SYNM: variants seen among roughly 807,000 people sequenced by gnomAD.
SYNM encodes desmuslin.
In SYNM, 95 loss-of-function variants were observed where a neutral mutation model predicts 104.0. The ratio of observed to expected loss-of-function variants is 0.91; its 90% CI spans 0.77 to 1.08. SYNM has a LOEUF of 1.08. Among genes scored for constraint, SYNM ranks in the 50% least tolerant of loss-of-function variants. The pLI, the probability that SYNM is intolerant of heterozygous loss-of-function variation, is 0.00. For synonymous variants in SYNM, 918 were observed against 869.0 expected (o/e 1.06, Z -0.99); for missense variants, 2,150 against 2,052.2 (o/e 1.05, Z -0.92).
intron 2 of SYNM, among the ~76,000 whole-genome samples, chr15:99,118,223 C>T (rs1359112244): frequency 6.6e-6 from 1 of 152,252 alleles, no homozygotes; most frequent in Non-Finnish European, 1.5e-5. Context: ...TTTTGAAAAT[C>T]ACCAGTGCAT....
In SYNM at chr15:99,130,069, A is replaced by G. The variant is rs782162586; in HGVS notation, c.1709A>G (p.Lys570Arg). 6.2e-7 allele frequency: 1 copy of G among 1,613,986 alleles called. No homozygotes were observed. The highest frequency in any genetic ancestry group is 1.7e-5 in the Admixed American group (1 of 60,020). ...KAKEKDSPKE[K>R]SVREREVPIS... is the part of the protein sequence containing the mutation. ...AAGGAGAAGGACTCACCGAAGGAGAAGAGCGTGCGAGAGAGAGAGGTGCCG... is the reference window on the plus strand; with the variant it reads ...AAGGAGAAGGACTCACCGAAGGAGAGGAGCGTGCGAGAGAGAGAGGTGCCG... Residue 570 changes from lysine to arginine, a missense_variant, in exon 4 of 4, where the codon AAG becomes AGG. Coordinates refer to ENST00000336292, the MANE Select transcript of SYNM (RefSeq NM_145728.3).
downstream of SYNM, chr15:99,137,978 G>A (rs782041130): frequency 6.2e-7 from 1 of 1,613,786 alleles, no homozygotes; most frequent in South Asian, 1.1e-5. Flanking sequence ...ACAGTGCCCA[G>A]GAATGTCCTA....
In SYNM at chr15:99,130,326, A is replaced by G. The variant is rs2067488242; in HGVS notation, c.1966A>G (p.Thr656Ala). ...ILKQFTQSPE[T>A]EASADSFPDT... The stretch of plus-strand genomic sequence containing the variant: ...GAAGCAGTTCACTCAGTCTCCAGAG[A>G]CAGAAGCATCTGCTGATTCTTTTCC... The change falls in exon 4 of 4, where the codon ACA (threonine) becomes GCA (alanine). Residue 656 changes from threonine (T) to alanine (A), a missense_variant. By Grantham distance (58) the Thr-to-Ala change is moderately conservative. Transcript: ENST00000336292. The G allele has an allele frequency of 5.6e-6, 9 of 1,613,726 alleles. No homozygotes were observed. Among genetic ancestry groups the G allele is most frequent in the Non-Finnish European group, 7.6e-6 (9 of 1,179,822 alleles).
intron 1 of SYNM, among the ~76,000 whole-genome samples, chr15:99,112,045 TC>T (rs1567275223): frequency 1.3e-5 from 2 of 152,196 alleles, no homozygotes; most frequent in African/African-American, 2.4e-5. Flanking sequence ...CGAGACTGTC[TC>T]CAAAAACAAA....
In SYNM at chr15:99,105,096, G is replaced by A; in HGVS notation, c.-104G>A. ...TCGCGTCCCAGTCTGCGGGCCTCCG[G>A]GGCAGCGGCGAGGCCGGAGCGTCGC... On this transcript the variant is annotated 5_prime_UTR_variant, in exon 1 of 4. Coordinates refer to ENST00000336292, the MANE Select transcript of SYNM (RefSeq NM_145728.3). 1 of 1,345,956 alleles carries A rather than the reference G, an allele frequency of 7.4e-7. No homozygotes were observed. Among genetic ancestry groups the A allele is most frequent in the South Asian group, 1.4e-5 (1 of 72,476 alleles). 83.4% of individuals were successfully genotyped at this position (1,345,956 alleles called of 1,614,324 possible). A position where few individuals can be genotyped will look rare whatever the true frequency, so the allele number is the denominator to read the frequency against.
intron 3 of SYNM, chr15:99,129,148 C>T (rs10444901): frequency 0.096 from 57,235 of 598,714 alleles, 3,679 homozygotes; most frequent in African/African-American, 0.26. Context: ...ACGTGTTAGG[C>T]TGAAGTATTT....
intron 2 of SYNM, among the ~76,000 whole-genome samples, chr15:99,121,734 C>A (rs1339669545): frequency 6.6e-6 from 1 of 152,202 alleles, no homozygotes; most frequent in Non-Finnish European, 1.5e-5. Context: ...CAGCAAGAAG[C>A]TGTTAGAAAA....
chr15:99,113,868 G>A (rs535146546), intron 2 of SYNM, among the ~76,000 whole-genome samples, 153 bp downstream of exon 2: 5 of 152,306 alleles, frequency 3.3e-5, no homozygotes, highest in African/African-American at 4.8e-5. Flanking sequence ...CAAGGAGTCC[G>A]AGGCCAAAAG....
intron 2 of SYNM, among the ~76,000 whole-genome samples, chr15:99,124,465 G>A (rs1440731450): frequency 6.6e-6 from 1 of 152,228 alleles, no homozygotes; most frequent in Non-Finnish European, 1.5e-5. Context: ...TCCGGCCATT[G>A]AGAAGGGACA....
intron 2 of SYNM, among the ~76,000 whole-genome samples, chr15:99,126,357 G>A (rs1387282937): frequency 6.6e-6 from 1 of 152,224 alleles, no homozygotes; most frequent in Non-Finnish European, 1.5e-5. Context: ...CATCTCTCCA[G>A]TGCCCCCTTG....
rs782351895 is a variant in SYNM at position 99,132,064 on chromosome 15, T to C, written c.3704T>C (p.Ile1235Thr). The change falls in exon 4 of 4, where the codon ATT becomes ACT. Residue 1235 changes from isoleucine to threonine, a missense_variant. Physicochemically the swap from Ile to Thr is moderately conservative, Grantham distance 89. Transcript: ENST00000336292. Reference protein sequence around the residue: ...CRQFHAEKEIIFQGPISAAGK... With the variant: ...CRQFHAEKEITFQGPISAAGK... ...CAATTTCATGCTGAAAAGGAGATTA[T>C]TTTTCAGGGCCCCATTTCTGCTGCA... 3 of 1,613,788 alleles carry C rather than the reference T, an allele frequency of 1.9e-6. No individual in the cohort carries two copies. The highest frequency in any genetic ancestry group is 2.7e-5 in the African/African-American group (2 of 74,900).
rs2067531820 is a variant in SYNM, at chr15:99,133,170, C to G, written c.*112C>G. On this transcript the variant is annotated 3_prime_UTR_variant, in exon 4 of 4. Coordinates refer to ENST00000336292, the MANE Select transcript of SYNM (RefSeq NM_145728.3). ...GTCTATGAAAATCTCCCCTTTTTTA[C>G]TTTTTTAAAGAGTACTCCCGGCATG... 3 of 1,505,948 alleles carry G rather than the reference C, an allele frequency of 2.0e-6. No homozygotes were observed. Among genetic ancestry groups the G allele is most frequent in the South Asian group, 1.3e-5 (1 of 77,570 alleles). The allele number at this position is 1,505,948 out of a possible 1,614,324, so 93.3% of individuals were successfully genotyped here.
intron 3 of SYNM, 53 bp from the exon 4 acceptor site, chr15:99,129,314 A>T: frequency 1.3e-6 from 2 of 1,585,010 alleles, no homozygotes; most frequent in Non-Finnish European, 1.7e-6. Flanking sequence ...TTGTAGATGG[A>T]AAAGGGTAAT....
In SYNM at chr15:99,129,935, C is replaced by T. The variant is rs569566682; in HGVS notation, c.1575C>T (p.Phe525=). The T allele has an allele frequency of 2.0e-5, 32 of 1,611,828 alleles. No homozygotes were observed. The East Asian group carries it at 3.8e-4, about 19-fold the overall frequency. ...GAACAAAGCCAGAAGAGAAAATGTT[C>T]GATTCTAAAGAGAAGGCTTCCGAGG... is the stretch of plus-strand genomic sequence containing the variant. The part of the protein sequence containing the change: ...TIRTKPEEKM[F]DSKEKASEER... The change falls in exon 4 of 4, where the codon TTC becomes TTT. Residue 525 remains phenylalanine, a synonymous_variant. Coordinates refer to ENST00000336292, the MANE Select transcript of SYNM (RefSeq NM_145728.3).
Position 99,132,497 on chromosome 15 carries a change from T to A in SYNM, c.4137T>A (p.Ser1379=), listed in dbSNP as rs1405717157. The stretch of plus-strand genomic sequence containing the variant: ...CCTTCCAAAGTGTCGTTTCTGAATC[T>A]CCCCAGGAGGATAGTGCAGAGGACA... ...KSTFQSVVSE[S]PQEDSAEDTS... is the part of the protein sequence containing the mutation. The change falls in exon 4 of 4, where the codon TCT becomes TCA. Residue 1379 remains serine, a synonymous_variant. Coordinates refer to ENST00000336292, the MANE Select transcript of SYNM (RefSeq NM_145728.3). 1.2e-6 allele frequency: 2 copies of A among 1,613,842 alleles called. No homozygotes were observed. The highest frequency in any genetic ancestry group is 2.7e-5 in the African/African-American group (2 of 74,880).
chr15:99,139,048 G>A (rs951297108), downstream of SYNM: 1 of 492,790 alleles, frequency 2.0e-6, no homozygotes, highest in Non-Finnish European at 3.7e-6. Flanking sequence ...TCCCCCTGCA[G>A]CAGGTGCCTT....
Position 99,129,589 on chromosome 15 carries a change from A to C in SYNM, c.1229A>C (p.Gln410Pro). 1 of 1,614,012 alleles carries C rather than the reference A, an allele frequency of 6.2e-7. No homozygotes were observed. The highest frequency in any genetic ancestry group is 1.3e-5 in the African/African-American group (1 of 75,048). ...GGATATTCTTCCTCGGCCACTACCC[A>C]GCAGGAAAACTCATACGGAAAAGCC... ...GSGYSSSATT[Q>P]QENSYGKAVS... The change falls in exon 4 of 4, where the codon CAG becomes CCG. Residue 410 changes from glutamine (Q) to proline (P), a missense_variant. By Grantham distance (76) the Gln-to-Pro change is moderately conservative. Coordinates refer to ENST00000336292, the MANE Select transcript of SYNM (RefSeq NM_145728.3).
chr15:99,130,321 C>T lies in SYNM; in HGVS notation c.1961C>T (p.Pro654Leu), dbSNP rs1286727338. 1 of 1,613,708 alleles carries T rather than the reference C, an allele frequency of 6.2e-7. No individual in the cohort carries two copies. The highest frequency in any genetic ancestry group is 1.3e-5 in the African/African-American group (1 of 74,900). Residue 654 changes from proline to leucine, a missense_variant, in exon 4 of 4, where the codon CCA (proline) becomes CTA (leucine). Transcript: ENST00000336292. ...ATCCTGAAGCAGTTCACTCAGTCTC[C>T]AGAGACAGAAGCATCTGCTGATTCT... ...TSILKQFTQS[P>L]ETEASADSFP...
chr15:99,110,084 C>T (rs1277692860), intron 1 of SYNM, among the ~76,000 whole-genome samples: 3 of 152,118 alleles, frequency 2.0e-5, no homozygotes, highest in Admixed American at 6.5e-5. Flanking sequence ...TCAGAGGGGC[C>T]CCTGCGTTCA....
Sources: allele counts gnomAD v4.1 joint callset (sites outside exome capture counted in the v4.1 genomes callset), GRCh38; gene constraint gnomAD v4.1.1; transcripts MANE v1.5; gene names NCBI Gene and HGNC (gene_info 2026-07-23, HGNC 2026-07-21).